MPZL1: variants seen among roughly 807,000 people sequenced by gnomAD.
The protein encoded by MPZL1 is myelin protein zero like 1, also known as myelin protein zero-like protein 1.
A neutral mutation model predicts 29.3 loss-of-function variants in MPZL1; 16 were observed. The observed-to-expected ratio is 0.55, with a 90% CI of 0.37 to 0.83. The LOEUF (loss-of-function observed/expected upper bound fraction) is 0.83. Ranked by LOEUF, MPZL1 falls within the 40% of genes least tolerant of loss-of-function variation. The probability of loss-of-function intolerance (pLI) is 0.00; values close to 1 mark genes in which losing one functional copy is unlikely to be tolerated. For synonymous variants in MPZL1, 143 were observed against 132.0 expected (o/e 1.08, Z -0.57); for missense variants, 279 against 332.9 (o/e 0.84, Z 1.26).
At chr1:167,784,227 C>T (rs1295505638) in intron 5 of MPZL1, among the ~76,000 whole-genome samples, 1 of 151,978 alleles carries the variant, frequency 6.6e-6, no homozygotes, top group African/African-American at 2.4e-5. Context: ...AATAATAGGC[C>T]TATATTAAGC....
chr1:167,739,274 C>CATATATATATATACATATATATATATAT (rs201991698), intron 1 of MPZL1, among the ~76,000 whole-genome samples: 2 of 83,306 alleles, frequency 2.4e-5, no homozygotes, highest in African/African-American at 1.3e-4. Context: ...TACATATATA[C>CATATATATATATACATATATATATATAT]ATATATACAT....
In MPZL1 at chr1:167,772,316, T is replaced by C; in HGVS notation, c.300T>C (p.Tyr100=). 1 of 1,613,940 alleles carries C rather than the reference T, an allele frequency of 6.2e-7. No homozygotes were observed. The highest frequency in any genetic ancestry group is 8.5e-7 in the Non-Finnish European group (1 of 1,179,840). The change falls in exon 3 of 6, where the codon TAT becomes TAC. Residue 100 remains tyrosine, a synonymous_variant. Coordinates refer to ENST00000359523, the MANE Select transcript of MPZL1 (RefSeq NM_003953.6). The stretch of plus-strand genomic sequence containing the variant: ...AAGGGCAAGTGTACCTTGGGAATTA[T>C]CCACCATTTAAAGACAGAATCAGCT... ...YSQGQVYLGN[Y]PPFKDRISWA...
At chr1:167,739,282 CATATATATATATAT>C (rs71959233) in intron 1 of MPZL1, among the ~76,000 whole-genome samples, 5 of 90,442 alleles carry the variant, frequency 5.5e-5, no homozygotes, top group Admixed American at 3.3e-4. Context: ...TACATATATA[CATATATATATATAT>C]ATATATATAT....
chr1:167,785,835 C>A (rs1220298809), intron 5 of MPZL1, among the ~76,000 whole-genome samples: 1 of 152,120 alleles, frequency 6.6e-6, no homozygotes, highest in African/African-American at 2.4e-5. Flanking sequence ...CTTTGTCACC[C>A]GGGCTGAAGT....
chr1:167,784,300 A>G (rs1459129494), intron 5 of MPZL1, among the ~76,000 whole-genome samples: 1 of 152,240 alleles, frequency 6.6e-6, no homozygotes, highest in South Asian at 2.1e-4. Context: ...AGCTGAAAAC[A>G]TACTCAGACC....
At chr1:167,743,986 G>A (rs943459286) in intron 1 of MPZL1, among the ~76,000 whole-genome samples, 2 of 151,912 alleles carry the variant, frequency 1.3e-5, no homozygotes, top group Non-Finnish European at 2.9e-5. Flanking sequence ...TCCTATTCCA[G>A]TTCTCAGAGG....
intron 1 of MPZL1, among the ~76,000 whole-genome samples, chr1:167,764,883 C>T (rs1365538026): frequency 3.3e-5 from 5 of 152,104 alleles, no homozygotes; most frequent in Admixed American, 6.6e-5. Flanking sequence ...AAGAAGGCAA[C>T]CTTAAAAGGC....
At chr1:167,740,003 T>G (rs1660483195) in intron 1 of MPZL1, among the ~76,000 whole-genome samples, 1 of 152,212 alleles carries the variant, frequency 6.6e-6, no homozygotes, top group African/African-American at 2.4e-5. Context: ...TTGGAGTCCA[T>G]AGTTCATTGT....
intron 5 of MPZL1, among the ~76,000 whole-genome samples, chr1:167,782,012 A>T (rs771484360): frequency 3.2e-4 from 48 of 152,038 alleles, no homozygotes; most frequent in Non-Finnish European, 5.7e-4. Context: ...TATGTGTATT[A>T]TACTTTCTCT....
chr1:167,753,630 CTTT>C (rs35276060), intron 1 of MPZL1, among the ~76,000 whole-genome samples: 1 of 146,008 alleles, frequency 6.8e-6, no homozygotes. Flanking sequence ...ACTTGAATTT[CTTT>C]TTTTTTTTTT....
chr1:167,786,204 A>T (rs905114237), intron 5 of MPZL1, among the ~76,000 whole-genome samples: 2 of 152,192 alleles, frequency 1.3e-5, no homozygotes, highest in African/African-American at 4.8e-5. Context: ...GTGATCTGTT[A>T]ATATTTCCTA....
intron 1 of MPZL1, among the ~76,000 whole-genome samples, chr1:167,745,201 C>T (rs1017049320): frequency 6.6e-6 from 1 of 152,118 alleles, no homozygotes; most frequent in African/African-American, 2.4e-5. Context: ...GGATGGCTCA[C>T]TTGGGCTTTC....
At position 167,734,505 on chromosome 1, in the gene MPZL1, G is replaced by A. The variant is rs115652944; in HGVS notation, c.91+12263G>A. Among the ~76,000 whole-genome samples, 1,242 of 152,158 alleles carry A rather than the reference G, an allele frequency of 8.2e-3. 15 individuals carry two copies. Among genetic ancestry groups the A allele is most frequent in the African/African-American group, 0.029 (1,183 of 41,508 alleles). On this transcript the variant is annotated intron_variant, in intron 1 of 5. Coordinates refer to ENST00000359523, the MANE Select transcript of MPZL1 (RefSeq NM_003953.6). Reference sequence around the variant, plus strand: ...TAAATTTGGCCTAACCCAACTTGACGTTCCCTCCACCATGATCCCATACCC... The same window carrying A: ...TAAATTTGGCCTAACCCAACTTGACATTCCCTCCACCATGATCCCATACCC...
At chr1:167,743,147 G>A (rs1660569935) in intron 1 of MPZL1, among the ~76,000 whole-genome samples, 2 of 151,868 alleles carry the variant, frequency 1.3e-5, no homozygotes, top group South Asian at 4.1e-4. Context: ...TGTGAAAACT[G>A]ATGGTGGTAT....
rs115762719 is a variant in MPZL1 at position 167,726,329 on chromosome 1, C to T, written c.91+4087C>T. Among the ~76,000 whole-genome samples, 760 of 152,230 alleles carry T rather than the reference C, an allele frequency of 5.0e-3. 3 individuals are homozygous for T. Among genetic ancestry groups the T allele is most frequent in the African/African-American group, 0.013 (537 of 41,534 alleles). ...TACCTGTTACTATTTGCTGGTTTGC[C>T]GTTTACTTCCTTATTGTAATTTCTA... is the stretch of plus-strand genomic sequence containing the variant. On this transcript the variant is annotated intron_variant, in intron 1 of 5. Coordinates refer to ENST00000359523, the MANE Select transcript of MPZL1 (RefSeq NM_003953.6).
chr1:167,782,238 A>G (rs574000867), intron 5 of MPZL1, among the ~76,000 whole-genome samples: 1 of 152,214 alleles, frequency 6.6e-6, no homozygotes, highest in Admixed American at 6.5e-5. Flanking sequence ...TACCTGGTTA[A>G]TTTTGATAGT....
At chr1:167,775,955 T>G in intron 4 of MPZL1, 109 bp from the exon 5 acceptor site, 2 of 636,270 alleles carry the variant, frequency 3.1e-6, no homozygotes, top group East Asian at 6.4e-5. Flanking sequence ...CTTTTGTTTT[T>G]ATATATCTGT....
rs14212 is a variant in MPZL1 at position 167,790,336 on chromosome 1, T to C, written c.*2415T>C. On this transcript the variant is annotated 3_prime_UTR_variant, in exon 6 of 6. Coordinates refer to ENST00000359523, the MANE Select transcript of MPZL1 (RefSeq NM_003953.6). ...AACCAGACACCTCAAACTCTGTCAG[T>C]GCCCTGGCATTCTGGCAGAGAATCC... 0.22 allele frequency: 32,878 copies of C among 152,232 alleles called. 4,046 individuals carry two copies. Among genetic ancestry groups the C allele is most frequent in the East Asian group, 0.36 (1,883 of 5,168 alleles). 9.4% of individuals were successfully genotyped at this position (152,232 alleles called of 1,614,324 possible).
At chr1:167,755,721 G>A (rs16859547) in intron 1 of MPZL1, among the ~76,000 whole-genome samples, 8,299 of 152,228 alleles carry the variant, frequency 0.055, 718 homozygotes, top group African/African-American at 0.19. Flanking sequence ...GAAGCCCTGC[G>A]CTGTGGAAAG....
Sources: allele counts gnomAD v4.1 joint callset (sites outside exome capture counted in the v4.1 genomes callset), GRCh38; gene constraint gnomAD v4.1.1; transcripts MANE v1.5; gene names NCBI Gene and HGNC (gene_info 2026-07-23, HGNC 2026-07-21).